ZNF385D: variants seen among roughly 807,000 people sequenced by gnomAD.
ZNF385D encodes the protein zinc finger protein 385D.
A neutral mutation model predicts 35.8 loss-of-function variants in ZNF385D; 15 were observed. That is an observed-to-expected ratio of 0.42 (90% CI 0.28 to 0.64). ZNF385D has a LOEUF of 0.64. Ranked by LOEUF, ZNF385D falls within the 30% of genes least tolerant of loss-of-function variation. The pLI is 0.23. For missense variants in ZNF385D, 474 were observed against 494.6 expected (o/e 0.96, Z 0.39); for synonymous variants, 212 against 186.8 (o/e 1.13, Z -1.10).
At chr3:21,766,798 T>C (rs867310962) in intron 3 of ZNF385D, among the ~76,000 whole-genome samples, 10 of 152,004 alleles carry the variant, frequency 6.6e-5, no homozygotes, top group Middle Eastern at 3.2e-3. Context: ...GTGGAGATCC[T>C]TGAAGTCAAG....
chr3:22,191,748 C>G (rs932684610), intron 2 of ZNF385D, among the ~76,000 whole-genome samples: 1 of 151,896 alleles, frequency 6.6e-6, no homozygotes, highest in Non-Finnish European at 1.5e-5. Flanking sequence ...GACTCATATT[C>G]TAAAGAATCA....
At chr3:21,804,842 G>C (rs2072564994) in intron 3 of ZNF385D, among the ~76,000 whole-genome samples, 1 of 133,046 alleles carries the variant, frequency 7.5e-6, no homozygotes, top group Non-Finnish European at 1.6e-5. Flanking sequence ...TGTTTCTACT[G>C]TTTTCCCTTA....
At chr3:22,220,145 C>A (rs569461414) in intron 2 of ZNF385D, among the ~76,000 whole-genome samples, 1 of 151,332 alleles carries the variant, frequency 6.6e-6, no homozygotes, top group South Asian at 2.1e-4. Flanking sequence ...CTCACTGTAG[C>A]CTCAACCTCC....
intron 2 of ZNF385D, among the ~76,000 whole-genome samples, chr3:22,300,292 A>G (rs1195501334): frequency 1.3e-5 from 2 of 151,988 alleles, no homozygotes; most frequent in Non-Finnish European, 2.9e-5. Context: ...AATCAACTCA[A>G]AATAGATTAA....
rs532448724 is a variant in ZNF385D, at chr3:21,717,005, C to T, written c.22+33890G>A. Among the ~76,000 whole-genome samples the T allele has an allele frequency of 6.8e-4, 103 of 152,048 alleles. 1 individual carries two copies. The highest frequency in any genetic ancestry group is 2.3e-3 in the African/African-American group (96 of 41,450). On this transcript the variant is annotated intron_variant, in intron 1 of 7. Coordinates refer to ENST00000281523, the MANE Select transcript of ZNF385D (RefSeq NM_024697.3). ...TGATGTGGTGTAGTGTGGTGATGTGCGCCTGTAGTCCCAGCTACTCAGGAG... is the reference window on the plus strand; with the variant it reads ...TGATGTGGTGTAGTGTGGTGATGTGTGCCTGTAGTCCCAGCTACTCAGGAG...
chr3:21,460,650 G>C (rs1703110654), intron 4 of ZNF385D, among the ~76,000 whole-genome samples: 1 of 152,006 alleles, frequency 6.6e-6, no homozygotes, highest in Non-Finnish European at 1.5e-5. Flanking sequence ...TTGTACATGT[G>C]TAAAAAATAT....
intron 4 of ZNF385D, among the ~76,000 whole-genome samples, chr3:21,467,465 C>T (rs1466688260): frequency 6.6e-6 from 1 of 152,064 alleles, no homozygotes; most frequent in Non-Finnish European, 1.5e-5. Flanking sequence ...AAATTATTTA[C>T]AAAAAATAGT....
At chr3:21,943,455 A>T (rs1701631980) in intron 3 of ZNF385D, among the ~76,000 whole-genome samples, 2 of 151,886 alleles carry the variant, frequency 1.3e-5, no homozygotes, top group African/African-American at 4.8e-5. Context: ...TGCAGTGACA[A>T]CATCATGGAA....
chr3:21,972,463 A>T, intron 3 of ZNF385D, among the ~76,000 whole-genome samples: 1 of 152,132 alleles, frequency 6.6e-6, no homozygotes, highest in South Asian at 2.1e-4. Flanking sequence ...TATAGCCATA[A>T]GTGCCTATAT....
chr3:21,786,253 T>C (rs1341803593), intron 3 of ZNF385D, among the ~76,000 whole-genome samples: 2 of 152,124 alleles, frequency 1.3e-5, no homozygotes, highest in African/African-American at 2.4e-5. Context: ...ACTGCCTGTA[T>C]TGGGAAAAGA....
intron 3 of ZNF385D, among the ~76,000 whole-genome samples, chr3:21,950,539 G>A (rs4610244): frequency 0.26 from 39,815 of 151,418 alleles, 6,295 homozygotes; most frequent in Admixed American, 0.41. Flanking sequence ...TTGCTGTGCA[G>A]AAGTTCTTTA....
Position 21,546,352 on chromosome 3 carries a change from A to C in ZNF385D, c.276+18222T>G, listed in dbSNP as rs190984782. Among the ~76,000 whole-genome samples, 632 of 152,108 alleles carry C rather than the reference A, an allele frequency of 4.2e-3. 5 individuals carry two copies. Among genetic ancestry groups the C allele is most frequent in the African/African-American group, 0.015 (605 of 41,510 alleles). On this transcript the variant is annotated intron_variant, in intron 3 of 7. Transcript: ENST00000281523. ...TGATGGAATAAATAGTGTGCCCATC[A>C]CCCAGAGGTTTCCTTTTGGGAAAGT...
chr3:21,956,171 A>G (rs1006824007), intron 3 of ZNF385D, among the ~76,000 whole-genome samples: 5 of 152,106 alleles, frequency 3.3e-5, no homozygotes, highest in African/African-American at 1.2e-4. Flanking sequence ...TGGGTGAGAG[A>G]GTGAGACTAT....
At chr3:22,126,723 T>C (rs1180092999) in intron 3 of ZNF385D, among the ~76,000 whole-genome samples, 1 of 152,096 alleles carries the variant, frequency 6.6e-6, no homozygotes, top group East Asian at 1.9e-4. Flanking sequence ...AGATTAGTTA[T>C]AATATCTCTT....
intron 3 of ZNF385D, among the ~76,000 whole-genome samples, chr3:21,905,212 A>AAAAAC (rs1699615502): frequency 6.7e-6 from 1 of 148,810 alleles, no homozygotes; most frequent in African/African-American, 2.4e-5. Context: ...ATCCAAAAAA[A>AAAAAC]AAAAAAAAAA....
intron 3 of ZNF385D, among the ~76,000 whole-genome samples, chr3:21,784,896 C>T (rs1234247031): frequency 6.6e-6 from 1 of 151,970 alleles, no homozygotes; most frequent in Admixed American, 6.6e-5. Flanking sequence ...TTTAATTTAT[C>T]ATGGACTTTT....
At chr3:22,024,380 C>T (rs1327040826) in intron 3 of ZNF385D, among the ~76,000 whole-genome samples, 1 of 151,754 alleles carries the variant, frequency 6.6e-6, no homozygotes, top group Non-Finnish European at 1.5e-5. Context: ...TGAGAGAACC[C>T]TAATACAGAT....
chr3:21,676,237 T>G (rs550964159), intron 1 of ZNF385D, among the ~76,000 whole-genome samples: 112 of 152,088 alleles, frequency 7.4e-4, no homozygotes, highest in Non-Finnish European at 1.4e-3. Flanking sequence ...ATTCCATTGC[T>G]TTGGTGAACA....
intron 3 of ZNF385D, among the ~76,000 whole-genome samples, chr3:21,769,066 T>G (rs538530389): frequency 6.6e-6 from 1 of 152,148 alleles, no homozygotes; most frequent in East Asian, 1.9e-4. Flanking sequence ...TTGAGAGTTT[T>G]TAGCATGAAG....
Sources: allele counts gnomAD v4.1 joint callset (sites outside exome capture counted in the v4.1 genomes callset), GRCh38; gene constraint gnomAD v4.1.1; transcripts MANE v1.5; gene names NCBI Gene and HGNC (gene_info 2026-07-23, HGNC 2026-07-21).